METAP2: variants seen among roughly 807,000 people sequenced by gnomAD.
The protein encoded by METAP2 is methionyl aminopeptidase 2.
A neutral mutation model predicts 59.4 loss-of-function variants in METAP2; 25 were observed. The ratio of observed to expected loss-of-function variants is 0.42; its 90% confidence interval spans 0.31 to 0.59. METAP2 has a LOEUF of 0.59. METAP2 is among the 20% of genes least tolerant of loss of function. The probability of loss-of-function intolerance (pLI) is 0.16; values close to 1 mark genes in which losing one functional copy is unlikely to be tolerated. For missense variants in METAP2, 366 were observed against 581.2 expected (o/e 0.63, Z 3.81); for synonymous variants, 214 against 194.1 (o/e 1.10, Z -0.85).
chr12:95,484,138 T>G (rs2076179027), intron 3 of METAP2, among the ~76,000 whole-genome samples: 1 of 152,154 alleles, frequency 6.6e-6, no homozygotes, highest in African/African-American at 2.4e-5. Flanking sequence ...TGTAGACCAC[T>G]GAATGTCTGG....
intron 2 of METAP2, among the ~76,000 whole-genome samples, chr12:95,482,632 A>AAG (rs1555190314): frequency 6.6e-6 from 1 of 151,278 alleles, no homozygotes; most frequent in Non-Finnish European, 1.5e-5. Context: ...AAAAAAAAAA[A>AAG]AAAATTAGAT....
At chr12:95,483,471 GTC>G in intron 3 of METAP2, 191 bp downstream of exon 3, 24 of 121,020 alleles carry the variant, frequency 2.0e-4, no homozygotes, top group East Asian at 3.7e-4. Context: ...GTGAGACTCT[GTC>G]TCAAAAAAAA....
chr12:95,511,294 ATTTG>A (rs2140167505), intron 8 of METAP2, among the ~76,000 whole-genome samples: 1 of 141,172 alleles, frequency 7.1e-6, no homozygotes, highest in South Asian at 2.3e-4. Context: ...ATGGCATTTT[ATTTG>A]TTGTTAACAG....
intron 5 of METAP2, 52 bp from the exon 6 acceptor site, chr12:95,494,905 A>G: frequency 6.8e-7 from 1 of 1,478,374 alleles, no homozygotes; most frequent in Non-Finnish European, 9.2e-7. Context: ...GTATTAATAT[A>G]TAAAAGTAAG....
intron 8 of METAP2, among the ~76,000 whole-genome samples, chr12:95,508,539 A>T (rs946343385): frequency 6.6e-6 from 1 of 152,194 alleles, no homozygotes; most frequent in Non-Finnish European, 1.5e-5. Flanking sequence ...CTTGGAGTAC[A>T]CACTGTAGCA....
intron 4 of METAP2, among the ~76,000 whole-genome samples, chr12:95,490,586 TTGA>T (rs2076230628): frequency 8.2e-6 from 1 of 122,420 alleles, no homozygotes; most frequent in Admixed American, 9.1e-5. Context: ...TTTTTTTTTT[TTGA>T]GATGGGGTGT....
intron 8 of METAP2, among the ~76,000 whole-genome samples, chr12:95,510,262 A>C (rs77318986): frequency 2.4e-4 from 37 of 152,346 alleles, no homozygotes; most frequent in Non-Finnish European, 4.9e-4. Flanking sequence ...CCAGTATTCC[A>C]GAAGACGCTC....
chr12:95,483,782 T>C (rs146465557), intron 3 of METAP2, among the ~76,000 whole-genome samples: 26 of 152,316 alleles, frequency 1.7e-4, no homozygotes, highest in African/African-American at 6.3e-4. Context: ...CTGTCAAGAA[T>C]GGCCGAAGTG....
intron 4 of METAP2, among the ~76,000 whole-genome samples, chr12:95,489,548 T>TA (rs1314774773): frequency 6.6e-6 from 1 of 152,266 alleles, no homozygotes; most frequent in Non-Finnish European, 1.5e-5. Flanking sequence ...TCAGTATTCT[T>TA]ACAGATTTGG....
At position 95,490,289 on chromosome 12, in the gene METAP2, T is replaced by C. The variant is rs371333517; in HGVS notation, c.429-3767T>C. ...GCATAGTAGTTTTTTTTTTTTTTTT[T>C]CTGAGCCATTTGAGATCAGACTGCA... On this transcript the variant is annotated intron_variant, in intron 4 of 10. Coordinates refer to ENST00000323666, the MANE Select transcript of METAP2 (RefSeq NM_006838.4). Among the ~76,000 whole-genome samples the C allele has an allele frequency of 3.2e-3, 480 of 149,418 alleles. 2 individuals carry two copies. The highest frequency in any genetic ancestry group is 0.011 in the African/African-American group (445 of 40,534).
chr12:95,482,421 G>T (rs2076165297), intron 2 of METAP2, among the ~76,000 whole-genome samples: 2 of 152,006 alleles, frequency 1.3e-5, no homozygotes, highest in Admixed American at 1.3e-4. Flanking sequence ...CCTAATATTT[G>T]TACTTCTACT....
intron 8 of METAP2, among the ~76,000 whole-genome samples, chr12:95,507,515 A>G (rs898991438): frequency 3.3e-5 from 5 of 152,180 alleles, no homozygotes; most frequent in African/African-American, 1.2e-4. Flanking sequence ...CCCTATTCTT[A>G]TGTTTTTATC....
At chr12:95,475,106 T>G (rs2076108586) in intron 1 of METAP2, among the ~76,000 whole-genome samples, 1 of 152,154 alleles carries the variant, frequency 6.6e-6, no homozygotes, top group African/African-American at 2.4e-5. Context: ...TATTATGAAC[T>G]AGGAACTTAC....
chr12:95,478,210 T>G (rs973641276), intron 2 of METAP2, among the ~76,000 whole-genome samples: 1 of 152,210 alleles, frequency 6.6e-6, no homozygotes. Flanking sequence ...GTTGGAAATC[T>G]TCAATGTATT....
chr12:95,486,578 A>G (rs1312839481), intron 4 of METAP2, among the ~76,000 whole-genome samples: 2 of 151,690 alleles, frequency 1.3e-5, no homozygotes, highest in African/African-American at 2.4e-5. Flanking sequence ...GCTCACTGCA[A>G]CCTCTGCCTC....
chr12:95,496,347 A>G (rs2076275352), intron 7 of METAP2, among the ~76,000 whole-genome samples: 1 of 152,042 alleles, frequency 6.6e-6, no homozygotes, highest in African/African-American at 2.4e-5. Flanking sequence ...CAGAGTTTGG[A>G]TCTATTTTTG....
rs1192040673 is a variant in METAP2 at position 95,485,952 on chromosome 12, A to G, written c.399A>G (p.Gln133=). 6.3e-7 allele frequency: 1 copy of G among 1,590,256 alleles called. No individual in the cohort carries two copies. Among genetic ancestry groups the G allele is most frequent in the Non-Finnish European group, 8.5e-7 (1 of 1,170,402 alleles). Residue 133 remains glutamine, a synonymous_variant, in exon 4 of 11, where the codon CAA becomes CAG. Transcript: ENST00000323666. ...LYPNGVFPKG[Q]ECEYPPTQDG... Reference sequence around the variant, plus strand: ...CTAATGGTGTATTTCCCAAAGGACAAGAATGCGAATACCCACCCACACAAG... The same window carrying G: ...CTAATGGTGTATTTCCCAAAGGACAGGAATGCGAATACCCACCCACACAAG...
intron 8 of METAP2, among the ~76,000 whole-genome samples, chr12:95,508,775 A>G (rs2076380377): frequency 6.6e-6 from 1 of 152,180 alleles, no homozygotes; most frequent in South Asian, 2.1e-4. Flanking sequence ...CCAGCCTGCA[A>G]CATCGGGATT....
intron 8 of METAP2, among the ~76,000 whole-genome samples, chr12:95,509,022 G>A (rs2076382361): frequency 6.6e-6 from 1 of 152,176 alleles, no homozygotes; most frequent in Non-Finnish European, 1.5e-5. Flanking sequence ...TAGCACAAAC[G>A]GGCCATCAAA....
Sources: gnomAD v4.1 joint callset for allele counts (sites outside exome capture counted in the v4.1 genomes callset) on GRCh38, gnomAD v4.1.1 for gene constraint, MANE v1.5 for transcripts, NCBI Gene and HGNC (gene_info 2026-07-23, HGNC 2026-07-21) for gene names.